The following ZNF385D variants were observed in gnomAD, a reference collection of about 807,000 sequenced individuals.
The protein encoded by ZNF385D is zinc finger protein 385D, also known as zinc finger protein 659.
In ZNF385D, 15 loss-of-function variants were observed where a neutral mutation model predicts 35.8. The observed-to-expected ratio is 0.42, with a 90% CI of 0.28 to 0.64. ZNF385D has a LOEUF of 0.64. Ranked by LOEUF, ZNF385D falls within the 30% of genes least tolerant of loss-of-function variation. The probability of loss-of-function intolerance (pLI) is 0.23; values close to 1 mark genes in which losing one functional copy is unlikely to be tolerated. For missense variants in ZNF385D, 474 were observed against 494.6 expected (o/e 0.96, Z 0.39); for synonymous variants, 212 against 186.8 (o/e 1.13, Z -1.10).
chr3:22,079,639 C>A (rs1008107227), intron 3 of ZNF385D, among the ~76,000 whole-genome samples: 2 of 151,954 alleles, frequency 1.3e-5, no homozygotes, highest in Admixed American at 6.6e-5. Context: ...GGAGATACTG[C>A]ACTAAAGAAG....
intron 3 of ZNF385D, among the ~76,000 whole-genome samples, chr3:21,758,929 C>T (rs1236635898): frequency 8.0e-6 from 1 of 125,276 alleles, no homozygotes; most frequent in East Asian, 2.7e-4. Context: ...TAGTATGGTG[C>T]CTCACTCATA....
intron 2 of ZNF385D, among the ~76,000 whole-genome samples, chr3:21,571,602 G>T (rs539580306): frequency 3.1e-4 from 47 of 151,684 alleles, no homozygotes; most frequent in South Asian, 1.7e-3. Context: ...TAGACTCCAC[G>T]ATTTAAGGGC....
At chr3:22,078,803 G>T (rs758567083) in intron 3 of ZNF385D, among the ~76,000 whole-genome samples, 1 of 151,988 alleles carries the variant, frequency 6.6e-6, no homozygotes, top group Admixed American at 6.6e-5. Flanking sequence ...ATAGGATATG[G>T]TTTCAAAATA....
intron 3 of ZNF385D, among the ~76,000 whole-genome samples, chr3:22,151,556 G>C (rs1559410441): frequency 6.6e-6 from 1 of 152,032 alleles, no homozygotes; most frequent in Non-Finnish European, 1.5e-5. Context: ...AAACCAACAA[G>C]GTCTGCGTGT....
chr3:21,666,769 G>C (rs1360245149), intron 1 of ZNF385D, among the ~76,000 whole-genome samples: 1 of 152,070 alleles, frequency 6.6e-6, no homozygotes, highest in East Asian at 1.9e-4. Context: ...TTTTTGGATG[G>C]TACATCTTTA....
At chr3:21,767,458 C>G (rs1307917774) in intron 3 of ZNF385D, among the ~76,000 whole-genome samples, 2 of 152,000 alleles carry the variant, frequency 1.3e-5, no homozygotes, top group African/African-American at 4.8e-5. Flanking sequence ...GCTTCCTTAG[C>G]ACACCCTTCT....
intron 3 of ZNF385D, among the ~76,000 whole-genome samples, chr3:21,760,228 G>A (rs2070540717): frequency 6.6e-6 from 1 of 152,136 alleles, no homozygotes; most frequent in Non-Finnish European, 1.5e-5. Flanking sequence ...GTCAGTTCTG[G>A]AAATCTGCAG....
chr3:22,061,272 TATC>T (rs1473350821), intron 3 of ZNF385D, among the ~76,000 whole-genome samples: 1 of 152,132 alleles, frequency 6.6e-6, no homozygotes, highest in Admixed American at 6.5e-5. Context: ...AACTGAATAA[TATC>T]ATAAGGCCAA....
chr3:21,791,893 C>A (rs962888628), intron 3 of ZNF385D, among the ~76,000 whole-genome samples: 1 of 152,098 alleles, frequency 6.6e-6, no homozygotes, highest in African/African-American at 2.4e-5. Context: ...TGCCACCACG[C>A]CCAGCTAATT....
chr3:21,734,915 T>C (rs1204052633), intron 1 of ZNF385D, among the ~76,000 whole-genome samples: 1 of 150,452 alleles, frequency 6.6e-6, no homozygotes. Context: ...TGATGCACAC[T>C]GCTGACAGTG....
At chr3:22,171,124 A>G (rs1471578621) in intron 2 of ZNF385D, among the ~76,000 whole-genome samples, 1 of 152,218 alleles carries the variant, frequency 6.6e-6, no homozygotes, top group Non-Finnish European at 1.5e-5. Flanking sequence ...GAAAAAATAA[A>G]TCAATAAATT....
chr3:21,778,818 TCAAGGA>T (rs1204212243), intron 3 of ZNF385D, among the ~76,000 whole-genome samples: 1 of 151,904 alleles, frequency 6.6e-6, no homozygotes, highest in Non-Finnish European at 1.5e-5. Context: ...AGCCACAAAC[TCAAGGA>T]AAAATATTGT....
chr3:22,032,174 T>G (rs1425215273), intron 3 of ZNF385D, among the ~76,000 whole-genome samples: 1 of 152,206 alleles, frequency 6.6e-6, no homozygotes, highest in Non-Finnish European at 1.5e-5. Flanking sequence ...TTCCGAAGTT[T>G]CCCACATCTT....
At chr3:21,534,968 T>C (rs549718353) in intron 3 of ZNF385D, among the ~76,000 whole-genome samples, 3 of 152,266 alleles carry the variant, frequency 2.0e-5, no homozygotes, top group Non-Finnish European at 2.9e-5. Context: ...AGAAATACTA[T>C]AGTAAGTTTC....
At chr3:22,135,933 A>C (rs2125694503) in intron 3 of ZNF385D, among the ~76,000 whole-genome samples, 1 of 152,336 alleles carries the variant, frequency 6.6e-6, no homozygotes, top group African/African-American at 2.4e-5. Flanking sequence ...CACAGGCAAA[A>C]ATAATAACTT....
At chr3:21,828,729 C>G (rs992027843) in intron 3 of ZNF385D, among the ~76,000 whole-genome samples, 2 of 152,242 alleles carry the variant, frequency 1.3e-5, no homozygotes, top group African/African-American at 2.4e-5. Context: ...TTTTATCTTA[C>G]AGTTCTGAGA....
chr3:21,825,141 T>A (rs1232792361), intron 3 of ZNF385D, among the ~76,000 whole-genome samples: 1 of 152,210 alleles, frequency 6.6e-6, no homozygotes, highest in African/African-American at 2.4e-5. Flanking sequence ...CTCACGCCAA[T>A]ATTTTAGTGA....
intron 2 of ZNF385D, among the ~76,000 whole-genome samples, chr3:22,188,217 G>C (rs894538917): frequency 6.6e-6 from 1 of 152,144 alleles, no homozygotes; most frequent in Non-Finnish European, 1.5e-5. Context: ...ATTTATTTTA[G>C]TAAGTAAAAT....
intron 2 of ZNF385D, among the ~76,000 whole-genome samples, chr3:22,296,985 T>A (rs1402421601): frequency 6.6e-6 from 1 of 152,048 alleles, no homozygotes; most frequent in African/African-American, 2.4e-5. Context: ...TGCCCTAACA[T>A]TTTCAGGGCC....
Sources: allele counts gnomAD v4.1 joint callset (sites outside exome capture counted in the v4.1 genomes callset), GRCh38; gene constraint gnomAD v4.1.1; transcripts MANE v1.5; gene names NCBI Gene and HGNC (gene_info 2026-07-23, HGNC 2026-07-21).